The following EML1 variants were observed in gnomAD, a reference collection of about 807,000 sequenced individuals.
EML1 encodes the protein echinoderm microtubule-associated protein-like 1.
Under a neutral mutation model 110.4 loss-of-function variants are expected in EML1, and 27 were observed. The observed-to-expected ratio is 0.24, with a 90% CI of 0.18 to 0.34. EML1 has a LOEUF of 0.34. EML1 is among the 10% of genes least tolerant of loss of function. The pLI, the probability that EML1 is intolerant of heterozygous loss-of-function variation, is 1.00. For missense variants in EML1, 741 were observed against 1,030.9 expected (o/e 0.72, Z 3.85); for synonymous variants, 344 against 385.8 (o/e 0.89, Z 1.27).
At chr14:99,873,620 C>A (rs1487434417) in intron 3 of EML1, among the ~76,000 whole-genome samples, 2 of 152,214 alleles carry the variant, frequency 1.3e-5, no homozygotes, top group African/African-American at 2.4e-5. Context: ...GTTCTCCCCA[C>A]TAGCTCGAGT....
chr14:99,938,009 T>A, intron 20 of EML1, 97 bp downstream of exon 20: 1 of 1,286,334 alleles, frequency 7.8e-7, no homozygotes, highest in Non-Finnish European at 1.1e-6. Flanking sequence ...ACCAGTCTTG[T>A]CAGATTGCTC....
chr14:99,753,196 G>GTC (rs2057198145), intron 1 of EML1, among the ~76,000 whole-genome samples: 2 of 81,848 alleles, frequency 2.4e-5, no homozygotes, highest in Non-Finnish European at 4.8e-5. Context: ...CGCACCCCCC[G>GTC]CCCCCCCGCC....
At chr14:99,925,209 T>C (rs1206396756) in intron 17 of EML1, among the ~76,000 whole-genome samples, 2 of 152,084 alleles carry the variant, frequency 1.3e-5, no homozygotes, top group African/African-American at 4.8e-5. Flanking sequence ...CCTTTCTTTG[T>C]GGGAAGGTTT....
chr14:99,747,815 G>A (rs1035517298), intron 1 of EML1, among the ~76,000 whole-genome samples: 1 of 152,174 alleles, frequency 6.6e-6, no homozygotes, highest in African/African-American at 2.4e-5. Context: ...CTGCCCCAGG[G>A]GTCCCGCTGC....
chr14:99,772,508 G>A (rs892255142), upstream of EML1, among the ~76,000 whole-genome samples: 1 of 152,224 alleles, frequency 6.6e-6, no homozygotes, highest in Non-Finnish European at 1.5e-5. Flanking sequence ...CTGTGAAAAT[G>A]TGAAACTCAC....
intron 1 of EML1, among the ~76,000 whole-genome samples, chr14:99,749,175 C>T (rs1187797716): frequency 2.6e-5 from 4 of 152,132 alleles, no homozygotes; most frequent in Non-Finnish European, 4.4e-5. Flanking sequence ...GGGTGCACAC[C>T]GGGAAGCGGG....
chr14:99,789,061 C>T (rs757216781), upstream of EML1, among the ~76,000 whole-genome samples: 4 of 152,088 alleles, frequency 2.6e-5, no homozygotes, highest in African/African-American at 7.2e-5. Context: ...ATTCATCCAT[C>T]GGTAGATACT....
intron 1 of EML1, among the ~76,000 whole-genome samples, chr14:99,817,778 G>C (rs139543662): frequency 1.3e-5 from 2 of 152,248 alleles, no homozygotes; most frequent in Non-Finnish European, 2.9e-5. Flanking sequence ...AGGAGCTCAC[G>C]GTCTAATGGA....
rs185681257 is a variant in EML1, at chr14:99,911,459, T to C, written c.1377T>C (p.His459=). Residue 459 remains histidine, a synonymous_variant, in exon 13 of 22, where the codon CAT becomes CAC. Coordinates refer to ENST00000262233, the MANE Select transcript of EML1 (RefSeq NM_004434.3). ...TAAGCTATGCAGTTCAGGGGGCCCA[T>C]GAGGGTGGCATTTTTGCACTTTGTA... ...NRISYAVQGA[H]EGGIFALCML... is the part of the protein sequence containing the mutation. The C allele has an allele frequency of 4.3e-6, 7 of 1,611,772 alleles. No homozygotes were observed. The African/African-American group carries it at 8.0e-5, about 18-fold the overall frequency.
At chr14:99,835,629 C>T (rs1039408039) in intron 1 of EML1, among the ~76,000 whole-genome samples, 27 of 152,308 alleles carry the variant, frequency 1.8e-4, no homozygotes, top group African/African-American at 6.3e-4. Flanking sequence ...TTCTAAGCGA[C>T]AGCTCACAAA....
intron 4 of EML1, among the ~76,000 whole-genome samples, chr14:99,884,034 A>G (rs1017620938): frequency 4.6e-5 from 7 of 152,230 alleles, no homozygotes; most frequent in Admixed American, 3.9e-4. Flanking sequence ...TGTCATTGTG[A>G]ACAAGTGACT....
intron 10 of EML1, 175 bp from the exon 11 acceptor site, chr14:99,909,170 C>T: frequency 2.0e-6 from 2 of 983,404 alleles, no homozygotes; most frequent in Non-Finnish European, 3.2e-6. Flanking sequence ...TATTAAGGCC[C>T]ACACCAGCAT....
intron 3 of EML1, among the ~76,000 whole-genome samples, chr14:99,873,816 C>G (rs1308019760): frequency 6.6e-6 from 1 of 152,200 alleles, no homozygotes; most frequent in South Asian, 2.1e-4. Context: ...AGAATTATCT[C>G]CTAATTTGAG....
chr14:99,894,017 TTCTC>T, intron 5 of EML1, among the ~76,000 whole-genome samples: 1 of 152,342 alleles, frequency 6.6e-6, no homozygotes, highest in Middle Eastern at 3.4e-3. Flanking sequence ...GCATCCTGAT[TTCTC>T]TCTCTAATGG....
intron 1 of EML1, among the ~76,000 whole-genome samples, chr14:99,756,408 C>G (rs140025387): frequency 2.0e-5 from 3 of 152,210 alleles, no homozygotes; most frequent in African/African-American, 4.8e-5. Flanking sequence ...CTGTGAGTCA[C>G]CGCCTGGCTC....
chr14:99,751,945 G>T (rs10148112), intron 1 of EML1, among the ~76,000 whole-genome samples: 1 of 151,862 alleles, frequency 6.6e-6, no homozygotes, highest in Non-Finnish European at 1.5e-5. Flanking sequence ...TCCGTTTTAC[G>T]GGCACGTGGC....
chr14:99,785,699 A>T (rs572377710), intron 1 of EML1, among the ~76,000 whole-genome samples: 101 of 152,342 alleles, frequency 6.6e-4, no homozygotes, highest in Non-Finnish European at 1.1e-3. Flanking sequence ...AGTGGCGCCT[A>T]AGAGCCAAAC....
At position 99,896,170 on chromosome 14, in the gene EML1, A is replaced by T. The variant is rs187365251; in HGVS notation, c.678-975A>T. On this transcript the variant is annotated intron_variant, in intron 6 of 21. Transcript: ENST00000262233. The stretch of plus-strand genomic sequence containing the variant: ...ATGCAGATTTTAAGGGAAAAAAAAA[A>T]TTTTTTTTCACCTTCAAATATTTGA... Among the ~76,000 whole-genome samples the T allele has an allele frequency of 4.0e-3, 615 of 152,002 alleles. 2 individuals are homozygous for T. The highest frequency in any genetic ancestry group is 0.019 in the East Asian group (97 of 5,184).
chr14:99,822,317 G>C (rs926880030), intron 1 of EML1, among the ~76,000 whole-genome samples: 2 of 152,256 alleles, frequency 1.3e-5, no homozygotes, highest in African/African-American at 4.8e-5. Flanking sequence ...GTGTATGTGT[G>C]TGAGAGAGAG....
Sources: gnomAD v4.1 joint callset for allele counts (sites outside exome capture counted in the v4.1 genomes callset) on GRCh38, gnomAD v4.1.1 for gene constraint, MANE v1.5 for transcripts, NCBI Gene and HGNC (gene_info 2026-07-23, HGNC 2026-07-21) for gene names.